The following PPP2R2B variants were observed in gnomAD, a reference collection of about 807,000 sequenced individuals.
The protein encoded by PPP2R2B is protein phosphatase 2 regulatory subunit Bbeta.
PPP2R2B carries 5 observed loss-of-function variants against 46.0 expected under a neutral mutation model. The ratio of observed to expected loss-of-function variants is 0.11; its 90% CI spans 0.06 to 0.23. PPP2R2B has a LOEUF of 0.23. Among genes scored for constraint, PPP2R2B ranks in the 10% least tolerant of loss-of-function variants. PPP2R2B has a pLI of 1.00. For missense variants in PPP2R2B, 367 were observed against 575.0 expected (o/e 0.64, Z 3.70); for synonymous variants, 215 against 206.7 (o/e 1.04, Z -0.34).
intron 2 of PPP2R2B, among the ~76,000 whole-genome samples, chr5:146,851,354 A>T (rs1484346893): frequency 2.6e-5 from 4 of 152,178 alleles, no homozygotes; most frequent in Non-Finnish European, 5.9e-5. Flanking sequence ...ACTAGGCAAG[A>T]GAGACAGGTG....
chr5:146,747,423 T>C (rs1312946223), intron 2 of PPP2R2B, among the ~76,000 whole-genome samples: 1 of 152,222 alleles, frequency 6.6e-6, no homozygotes, highest in African/African-American at 2.4e-5. Flanking sequence ...CATGGCATAC[T>C]CACAGGGATG....
At chr5:146,961,413 A>G (rs1011801268) in intron 1 of PPP2R2B, among the ~76,000 whole-genome samples, 2 of 152,186 alleles carry the variant, frequency 1.3e-5, no homozygotes, top group Admixed American at 1.3e-4. Context: ...TTCATGTACT[A>G]TTTCACCAAA....
At position 146,588,454 on chromosome 5, in the gene PPP2R2B, T is replaced by C. The variant is rs1770283236; in HGVS notation, c.*1493A>G. 2 of 152,184 alleles carry C rather than the reference T, an allele frequency of 1.3e-5. No homozygotes were observed. Among genetic ancestry groups the C allele is most frequent in the Admixed American group, 1.3e-4 (2 of 15,278 alleles). 9.4% of individuals were successfully genotyped at this position (152,184 alleles called of 1,614,324 possible). A position where few individuals can be genotyped will look rare whatever the true frequency, so the allele number is the denominator to read the frequency against. On this transcript the variant is annotated 3_prime_UTR_variant, in exon 10 of 10. Transcript: ENST00000394411. ...AAACTGAAAGAAAATTTCCCTTTCA[T>C]TGAAAAACTCTCATCTCAAACCATT... is the stretch of plus-strand genomic sequence containing the variant.
upstream of PPP2R2B, among the ~76,000 whole-genome samples, chr5:147,057,392 T>C (rs1482424925): frequency 6.6e-6 from 1 of 152,198 alleles, no homozygotes; most frequent in African/African-American, 2.4e-5. Flanking sequence ...CAGAAGACTA[T>C]ATGCAGGAGT....
intron 5 of PPP2R2B, among the ~76,000 whole-genome samples, chr5:146,682,111 G>C (rs67167992): frequency 0.18 from 26,968 of 152,060 alleles, 2,895 homozygotes; most frequent in East Asian, 0.36. Context: ...TTATATTTAC[G>C]TCTATGTTGG....
intron 5 of PPP2R2B, among the ~76,000 whole-genome samples, chr5:146,661,622 C>T (rs540215835): frequency 1.3e-5 from 2 of 152,242 alleles, no homozygotes; most frequent in South Asian, 4.1e-4. Flanking sequence ...AAATGGTTTG[C>T]ATGGCAAAAA....
chr5:146,738,720 G>A (rs543266393), intron 2 of PPP2R2B, among the ~76,000 whole-genome samples: 6 of 152,236 alleles, frequency 3.9e-5, no homozygotes, highest in South Asian at 2.1e-4. Context: ...GTCAGATGTC[G>A]TTAAAGTTCT....
rs180752652 is a variant in PPP2R2B at position 146,738,179 on chromosome 5, G to A, written c.71-37037C>T. On this transcript the variant is annotated intron_variant, in intron 2 of 9. Transcript: ENST00000394411. ...TGGGAGGCTGAGGCGGGCGGATCAC[G>A]AGGTCAGGAGATCGAGACCATCGTG... 4.2e-3 allele frequency among the ~76,000 whole-genome samples: 635 copies of A among 151,790 alleles called. 4 individuals carry two copies. The highest frequency in any genetic ancestry group is 0.014 in the African/African-American group (590 of 41,402).
At chr5:146,872,700 A>T (rs1456659117) in intron 2 of PPP2R2B, among the ~76,000 whole-genome samples, 1 of 152,156 alleles carries the variant, frequency 6.6e-6, no homozygotes, top group African/African-American at 2.4e-5. Flanking sequence ...AACTCAACTC[A>T]TCCAAGACTG....
chr5:146,742,595 T>C (rs1752944396), intron 2 of PPP2R2B, among the ~76,000 whole-genome samples: 1 of 152,164 alleles, frequency 6.6e-6, no homozygotes, highest in South Asian at 2.1e-4. Context: ...ATTTATAGTA[T>C]AAAGGAAACT....
At chr5:146,658,340 A>G (rs758921287) in intron 5 of PPP2R2B, among the ~76,000 whole-genome samples, 10 of 152,178 alleles carry the variant, frequency 6.6e-5, no homozygotes, top group African/African-American at 9.7e-5. Flanking sequence ...CTTCAAATTT[A>G]TCACCTTGCC....
intron 2 of PPP2R2B, among the ~76,000 whole-genome samples, chr5:146,717,027 T>A (rs1780537500): frequency 6.6e-6 from 1 of 152,254 alleles, no homozygotes; most frequent in Non-Finnish European, 1.5e-5. Flanking sequence ...ACTGGAGATT[T>A]AGGATTCTCA....
intron 1 of PPP2R2B, among the ~76,000 whole-genome samples, chr5:147,017,308 T>C (rs1755051704): frequency 6.6e-6 from 1 of 151,554 alleles, no homozygotes; most frequent in African/African-American, 2.4e-5. Flanking sequence ...AGGACATCTT[T>C]GAAGAGAAAG....
intron 8 of PPP2R2B, among the ~76,000 whole-genome samples, chr5:146,593,912 G>T (rs892506347): frequency 6.6e-6 from 1 of 152,242 alleles, no homozygotes; most frequent in Non-Finnish European, 1.5e-5. Flanking sequence ...AGGGAGACCA[G>T]TTATAACCTG....
chr5:146,689,510 T>G (rs1011154365), intron 5 of PPP2R2B, among the ~76,000 whole-genome samples: 2 of 152,226 alleles, frequency 1.3e-5, no homozygotes, highest in East Asian at 3.8e-4. Context: ...AGTCTAGGTA[T>G]ATAGTAGGCT....
chr5:146,820,316 T>C (rs1489202134), intron 2 of PPP2R2B, among the ~76,000 whole-genome samples: 1 of 152,088 alleles, frequency 6.6e-6, no homozygotes, highest in Non-Finnish European at 1.5e-5. Context: ...CCCATATAGG[T>C]ACAATAATTT....
intron 7 of PPP2R2B, among the ~76,000 whole-genome samples, chr5:146,632,124 A>G (rs921975682): frequency 4.4e-5 from 6 of 136,240 alleles, no homozygotes; most frequent in African/African-American, 1.7e-4. Flanking sequence ...ATATAACTGT[A>G]TTTGGAGATA....
chr5:147,045,907 G>A (rs1022732366), intron 1 of PPP2R2B, among the ~76,000 whole-genome samples: 1 of 152,032 alleles, frequency 6.6e-6, no homozygotes, highest in Non-Finnish European at 1.5e-5. Flanking sequence ...ATGCTTCCTA[G>A]TTAAGTTTGA....
In PPP2R2B at chr5:146,811,315, A is replaced by G. The variant is rs80290788; in HGVS notation, c.70+66687T>C. On this transcript the variant is annotated intron_variant, in intron 2 of 9. Transcript: ENST00000394411. ...GTCCAGCCATATGGCTCCTATCTCT[A>G]TTAGTCTATAGTAAGTGTTTTCCTT... 2.6e-5 allele frequency among the ~76,000 whole-genome samples: 4 copies of G among 152,132 alleles called. No homozygotes were observed. In the East Asian group the frequency reaches 5.8e-4, roughly 22 times the overall value.
Sources: allele counts gnomAD v4.1 joint callset (sites outside exome capture counted in the v4.1 genomes callset), GRCh38; gene constraint gnomAD v4.1.1; transcripts MANE v1.5; gene names NCBI Gene and HGNC (gene_info 2026-07-23, HGNC 2026-07-21).